CFAP20DC: variants seen among roughly 807,000 people sequenced by gnomAD.
CFAP20DC encodes the protein protein CFAP20DC.
In CFAP20DC, 84 loss-of-function variants were observed where a neutral mutation model predicts 101.7. That is an observed-to-expected ratio of 0.83 (90% CI 0.69 to 0.99). The LOEUF (loss-of-function observed/expected upper bound fraction) is 0.99, where lower values mean the gene tolerates loss of function less well. Ranked by LOEUF, CFAP20DC falls within the 50% of genes least tolerant of loss-of-function variation. The pLI, the probability that CFAP20DC is intolerant of heterozygous loss-of-function variation, is 0.00. For missense variants in CFAP20DC, 1,007 were observed against 970.3 expected (o/e 1.04, Z -0.50); for synonymous variants, 359 against 351.2 (o/e 1.02, Z -0.25).
At chr3:58,787,929 T>G (rs954720119) in intron 15 of CFAP20DC, among the ~76,000 whole-genome samples, 2 of 148,978 alleles carry the variant, frequency 1.3e-5, no homozygotes, top group African/African-American at 5.0e-5. Context: ...TAAGTGGGAG[T>G]TGAACAATGA....
At chr3:58,993,679 T>C (rs1255947127) in intron 4 of CFAP20DC, among the ~76,000 whole-genome samples, 3 of 152,108 alleles carry the variant, frequency 2.0e-5, no homozygotes, top group Non-Finnish European at 2.9e-5. Context: ...AGTGAGAATG[T>C]GTATTTGGTT....
chr3:58,755,166 T>C (rs1476497451), intron 15 of CFAP20DC, among the ~76,000 whole-genome samples: 1 of 152,148 alleles, frequency 6.6e-6, no homozygotes, highest in Non-Finnish European at 1.5e-5. Context: ...AATTCCTACT[T>C]ATAATATTTT....
intron 15 of CFAP20DC, among the ~76,000 whole-genome samples, chr3:58,778,572 T>C (rs1339187732): frequency 1.3e-5 from 2 of 152,176 alleles, no homozygotes; most frequent in African/African-American, 2.4e-5. Context: ...CCACAGTCAC[T>C]GCCCAGGAAC....
At chr3:58,906,903 T>C (rs969778214) in intron 6 of CFAP20DC, among the ~76,000 whole-genome samples, 1 of 152,186 alleles carries the variant, frequency 6.6e-6, no homozygotes, top group South Asian at 2.1e-4. Context: ...CACTACAGCC[T>C]GGGCAACGGA....
At chr3:59,023,488 G>A (rs768994231) in intron 4 of CFAP20DC, among the ~76,000 whole-genome samples, 2 of 152,092 alleles carry the variant, frequency 1.3e-5, no homozygotes, top group Non-Finnish European at 2.9e-5. Context: ...GATTAGGTTG[G>A]ATGAAAAACT....
intron 4 of CFAP20DC, among the ~76,000 whole-genome samples, chr3:59,034,721 C>CT (rs1193942545): frequency 6.6e-6 from 1 of 152,110 alleles, no homozygotes; most frequent in African/African-American, 2.4e-5. Flanking sequence ...AACAAAGAGA[C>CT]TTAGACTCCA....
chr3:58,784,711 G>C (rs924164655), intron 15 of CFAP20DC, among the ~76,000 whole-genome samples: 4 of 152,102 alleles, frequency 2.6e-5, no homozygotes, highest in African/African-American at 7.2e-5. Context: ...TCAAATGGTA[G>C]TTCTGTTTGA....
In CFAP20DC at chr3:58,867,792, A is replaced by G. The variant is rs183754764; in HGVS notation, c.1135+25T>C. ...TTGCCCTGAATAATATACAGATATA[A>G]GATAGGATTGAAATAGTGCCATACC... On this transcript the variant is annotated intron_variant, in intron 10 of 16. Coordinates refer to ENST00000482387, the MANE Select transcript of CFAP20DC (RefSeq NM_001394063.1). 3 of 1,612,982 alleles carry G rather than the reference A, an allele frequency of 1.9e-6. No homozygotes were observed. In the Admixed American group the frequency reaches 5.0e-5, roughly 27 times the overall value.
At chr3:58,819,697 G>A (rs1481496831) in intron 14 of CFAP20DC, among the ~76,000 whole-genome samples, 2 of 143,246 alleles carry the variant, frequency 1.4e-5, no homozygotes, top group South Asian at 2.3e-4. Context: ...ATTCACAGCC[G>A]AATTCTACCA....
chr3:59,044,977 T>G (rs1699727752), intron 3 of CFAP20DC, among the ~76,000 whole-genome samples: 1 of 147,378 alleles, frequency 6.8e-6, no homozygotes, highest in South Asian at 2.2e-4. Flanking sequence ...GCAAAAAACC[T>G]CCTATTACAG....
At chr3:58,975,739 CCT>C (rs1553752301) in intron 4 of CFAP20DC, among the ~76,000 whole-genome samples, 4 of 152,012 alleles carry the variant, frequency 2.6e-5, no homozygotes, top group Non-Finnish European at 5.9e-5. Flanking sequence ...CCTAAAATCA[CCT>C]GTTTTGGTAT....
chr3:58,877,665 C>T (rs775866129), intron 7 of CFAP20DC, among the ~76,000 whole-genome samples: 8 of 152,148 alleles, frequency 5.3e-5, no homozygotes, highest in Non-Finnish European at 1.5e-5. Flanking sequence ...TATGATGATG[C>T]CCTCTGTGGA....
chr3:58,817,731 G>A (rs1248883378), intron 14 of CFAP20DC, among the ~76,000 whole-genome samples: 1 of 151,706 alleles, frequency 6.6e-6, no homozygotes, highest in Non-Finnish European at 1.5e-5. Context: ...ATATTATCCA[G>A]GAGAACTTCC....
At chr3:58,769,529 G>A (rs987805293) in intron 15 of CFAP20DC, among the ~76,000 whole-genome samples, 22 of 152,280 alleles carry the variant, frequency 1.4e-4, no homozygotes, top group African/African-American at 5.1e-4. Flanking sequence ...AAGACATATA[G>A]ATGAGAGCAA....
chr3:58,739,019 A>G (rs2067821426), downstream of CFAP20DC, among the ~76,000 whole-genome samples: 2 of 152,202 alleles, frequency 1.3e-5, no homozygotes, highest in Non-Finnish European at 2.9e-5. Context: ...TTGCGCCTAA[A>G]GAAGGATCAA....
intron 5 of CFAP20DC, among the ~76,000 whole-genome samples, chr3:58,931,287 G>T (rs563872805): frequency 6.6e-6 from 1 of 152,190 alleles, no homozygotes; most frequent in South Asian, 2.1e-4. Flanking sequence ...ACTGGGTGGA[G>T]ACCACCACAA....
intron 6 of CFAP20DC, among the ~76,000 whole-genome samples, chr3:58,885,094 A>G (rs1465711432): frequency 6.6e-6 from 1 of 152,196 alleles, no homozygotes; most frequent in Non-Finnish European, 1.5e-5. Context: ...ATCAATAAGT[A>G]CAAAGATATT....
At chr3:58,972,641 A>G (rs1384053085) in intron 4 of CFAP20DC, among the ~76,000 whole-genome samples, 2 of 152,202 alleles carry the variant, frequency 1.3e-5, no homozygotes, top group African/African-American at 2.4e-5. Flanking sequence ...ACATTTCCCA[A>G]TTAAGTTAGA....
intron 4 of CFAP20DC, among the ~76,000 whole-genome samples, chr3:58,994,409 A>T (rs1256797236): frequency 6.6e-6 from 1 of 152,128 alleles, no homozygotes; most frequent in African/African-American, 2.4e-5. Context: ...TAAGAATTCT[A>T]TGAGGCAGAG....
Sources: allele counts gnomAD v4.1 joint callset (sites outside exome capture counted in the v4.1 genomes callset), GRCh38; gene constraint gnomAD v4.1.1; transcripts MANE v1.5; gene names NCBI Gene and HGNC (gene_info 2026-07-23, HGNC 2026-07-21).